The following CLOCK variants were observed in gnomAD, a reference collection of about 807,000 sequenced individuals.
CLOCK encodes the protein clock circadian regulator, also known as circadian locomoter output cycles protein kaput.
In CLOCK, 43 loss-of-function variants were observed where a neutral mutation model predicts 118.4. The ratio of observed to expected loss-of-function variants is 0.36; its 90% CI spans 0.28 to 0.47. The LOEUF (loss-of-function observed/expected upper bound fraction) is 0.47, where lower values mean the gene tolerates loss of function less well. Ranked by LOEUF, CLOCK falls within the 20% of genes least tolerant of loss-of-function variation. The pLI is 1.00. For missense variants in CLOCK, 846 were observed against 999.9 expected (o/e 0.85, Z 2.08); for synonymous variants, 326 against 339.2 (o/e 0.96, Z 0.43).
In CLOCK at chr4:55,435,439, G is replaced by A; in HGVS notation, c.2517C>T (p.Asp839=). The A allele has an allele frequency of 6.2e-7, 1 of 1,613,994 alleles. No individual in the cohort carries two copies. Among genetic ancestry groups the A allele is most frequent in the Non-Finnish European group, 8.5e-7 (1 of 1,179,908 alleles). The part of the protein sequence containing the change: ...LSRHRTDSLP[D]PSKVQPQ ...GCTACTGTGGTTGAACCTTGGAAGG[G>A]TCGGGCAAGCTGTCAGTCCTGTGCC... Residue 839 remains aspartate (D), a synonymous_variant, in exon 23 of 23, where the codon GAC becomes GAT. Coordinates refer to ENST00000513440, the MANE Select transcript of CLOCK (RefSeq NM_004898.4).
intron 13 of CLOCK, 119 bp downstream of exon 13, chr4:55,455,778 T>A (rs1463738985): frequency 1.9e-5 from 15 of 781,474 alleles, no homozygotes; most frequent in Non-Finnish European, 8.9e-6. Context: ...CAAAATCTTT[T>A]AGCATATTTC....
Position 55,458,996 on chromosome 4 carries a change from GTGC to G in CLOCK, c.685_687del (p.Ala229del), listed in dbSNP as rs770614964. ...TGTATAGTTCCTTCAAAACCATTGT[GTGC>G]TGAAGAGGATACTAAAACAATAGGG... On this transcript the variant is annotated inframe_deletion, in exon 11 of 23. Coordinates refer to ENST00000513440, the MANE Select transcript of CLOCK (RefSeq NM_004898.4). 10 of 1,612,680 alleles carry G rather than the reference GTGC, an allele frequency of 6.2e-6. No individual in the cohort carries two copies. Among genetic ancestry groups the G allele is most frequent in the Non-Finnish European group, 8.5e-6 (10 of 1,178,764 alleles).
At chr4:55,510,666 G>GGA (rs1033212662) in intron 1 of CLOCK, among the ~76,000 whole-genome samples, 1 of 148,738 alleles carries the variant, frequency 6.7e-6, no homozygotes, top group Non-Finnish European at 1.5e-5. Flanking sequence ...TTTCCCTAAA[G>GGA]GAAGAGAATT....
At chr4:55,450,934 T>G (rs1032439492) in intron 15 of CLOCK, among the ~76,000 whole-genome samples, 4 of 151,502 alleles carry the variant, frequency 2.6e-5, no homozygotes, top group African/African-American at 9.7e-5. Flanking sequence ...GGAGCTAGAG[T>G]TTCATAGTTT....
At chr4:55,517,777 A>C (rs1729608120) in intron 1 of CLOCK, among the ~76,000 whole-genome samples, 1 of 152,172 alleles carries the variant, frequency 6.6e-6, no homozygotes, top group African/African-American at 2.4e-5. Context: ...CAATTTGCTT[A>C]ATGGTTATGG....
Position 55,451,651 on chromosome 4 carries a change from T to C in CLOCK, c.1206+1403A>G, listed in dbSNP as rs910073983. Among the ~76,000 whole-genome samples the C allele has an allele frequency of 9.2e-5, 14 of 152,216 alleles. 1 individual carries two copies. The highest frequency in any genetic ancestry group is 2.1e-4 in the Non-Finnish European group (14 of 68,038). On this transcript the variant is annotated intron_variant, in intron 15 of 22. Coordinates refer to ENST00000513440, the MANE Select transcript of CLOCK (RefSeq NM_004898.4). The stretch of plus-strand genomic sequence containing the variant: ...AGGGCTAATTTAGGATTTACTAGGA[T>C]TGAATCTTTGCATAAGGGAAAAAGA...
At chr4:55,437,191 C>G (rs187032449) in intron 22 of CLOCK, among the ~76,000 whole-genome samples, 16 of 152,220 alleles carry the variant, frequency 1.1e-4, no homozygotes, top group Non-Finnish European at 1.0e-4. Context: ...ATCACAAAGA[C>G]AAGGATTATA....
intron 3 of CLOCK, among the ~76,000 whole-genome samples, chr4:55,485,684 G>A (rs1577776442): frequency 6.6e-6 from 1 of 152,066 alleles, no homozygotes; most frequent in East Asian, 1.9e-4. Context: ...TCTTCAAAAG[G>A]ATCAGTTGCA....
chr4:55,515,573 CG>C (rs1366161878), intron 1 of CLOCK, among the ~76,000 whole-genome samples: 1 of 152,010 alleles, frequency 6.6e-6, no homozygotes, highest in Non-Finnish European at 1.5e-5. Flanking sequence ...TTAGTAGAGA[CG>C]GGGTTTCACC....
At chr4:55,546,457 T>TCCCTCCCCTTCCCCGCG (rs1355968545) in intron 1 of CLOCK, 1 of 15,014 alleles carries the variant, frequency 6.7e-5, no homozygotes, top group Admixed American at 7.1e-4. Context: ...CGCCCCCCGC[T>TCCCTCCCCTTCCCCGCG]CCCTCCCCTT....
At chr4:55,502,046 A>G (rs1728482010) in intron 2 of CLOCK, among the ~76,000 whole-genome samples, 1 of 152,254 alleles carries the variant, frequency 6.6e-6, no homozygotes, top group Non-Finnish European at 1.5e-5. Flanking sequence ...GTAAAATAAC[A>G]AAACGCCCTG....
At chr4:55,466,225 G>A (rs1419122060) in intron 8 of CLOCK, among the ~76,000 whole-genome samples, 1 of 152,044 alleles carries the variant, frequency 6.6e-6, no homozygotes, top group Non-Finnish European at 1.5e-5. Flanking sequence ...AGTTCTGATG[G>A]TTTTGTAAGG....
intron 2 of CLOCK, among the ~76,000 whole-genome samples, chr4:55,506,020 G>A (rs1384249280): frequency 6.6e-6 from 1 of 151,822 alleles, no homozygotes; most frequent in Non-Finnish European, 1.5e-5. Flanking sequence ...CCAACTTCAG[G>A]AAACTTAACA....
chr4:55,469,737 T>C (rs777859616), intron 8 of CLOCK, among the ~76,000 whole-genome samples: 19 of 152,142 alleles, frequency 1.2e-4, no homozygotes, highest in Non-Finnish European at 2.5e-4. Flanking sequence ...AGGCAGGGTC[T>C]TGCTCTGTCA....
chr4:55,443,984 G>GTA, intron 19 of CLOCK, 88 bp from the exon 20 acceptor site: 1 of 1,222,924 alleles, frequency 8.2e-7, no homozygotes, highest in Non-Finnish European at 1.2e-6. Context: ...AAGCTACAAA[G>GTA]TATGTTTAAA....
intron 9 of CLOCK, among the ~76,000 whole-genome samples, chr4:55,462,850 G>GT (rs1725447627): frequency 6.6e-6 from 1 of 150,976 alleles, no homozygotes; most frequent in Admixed American, 6.6e-5. Flanking sequence ...AGATTTGTGT[G>GT]AGTGTGTGTG....
At chr4:55,488,179 CCTT>C (rs1238823956) in intron 3 of CLOCK, among the ~76,000 whole-genome samples, 1 of 152,138 alleles carries the variant, frequency 6.6e-6, no homozygotes, top group Non-Finnish European at 1.5e-5. Context: ...TTATTAAATA[CCTT>C]CTTTTCTTGA....
At chr4:55,450,975 A>G (rs1020123884) in intron 15 of CLOCK, among the ~76,000 whole-genome samples, 1 of 151,892 alleles carries the variant, frequency 6.6e-6, no homozygotes, top group African/African-American at 2.4e-5. Flanking sequence ...TCCCTTCACC[A>G]ATGTTTCTTT....
intron 2 of CLOCK, among the ~76,000 whole-genome samples, chr4:55,505,490 C>T (rs1047033598): frequency 2.0e-5 from 3 of 151,746 alleles, no homozygotes; most frequent in Non-Finnish European, 4.4e-5. Flanking sequence ...ATGGCAAAAC[C>T]CCTTATCTAC....
Sources: gnomAD v4.1 joint callset for allele counts (sites outside exome capture counted in the v4.1 genomes callset) on GRCh38, gnomAD v4.1.1 for gene constraint, MANE v1.5 for transcripts, NCBI Gene and HGNC (gene_info 2026-07-23, HGNC 2026-07-21) for gene names.